Variants in ZNF704 observed in about 807,000 individuals in gnomAD.
ZNF704 encodes the protein zinc finger protein 704.
ZNF704 carries 10 observed loss-of-function variants against 44.7 expected under a neutral mutation model. The observed-to-expected ratio is 0.22, with a 90% CI of 0.14 to 0.38. ZNF704 has a LOEUF of 0.38. ZNF704 is among the 10% of genes least tolerant of loss of function. ZNF704 has a pLI of 1.00. For synonymous variants in ZNF704, 211 were observed against 207.6 expected, an observed-to-expected ratio of 1.02 and a Z score of -0.14; for missense variants, 390 against 545.5, an observed-to-expected ratio of 0.71 and a Z score of 2.84.
intron 1 of ZNF704, among the ~76,000 whole-genome samples, chr8:80,822,391 C>A (rs1808290503): frequency 6.6e-6 from 1 of 151,374 alleles, no homozygotes; most frequent in Non-Finnish European, 1.5e-5. Flanking sequence ...TTTTTTATGG[C>A]TGCATAGTAT....
Position 80,821,647 on chromosome 8 carries a change from C to T in ZNF704, c.-21-32G>A. The T allele has an allele frequency of 1.9e-6, 3 of 1,543,336 alleles. No homozygotes were observed. The South Asian group carries it at 3.4e-5, about 17-fold the overall frequency. On this transcript the variant is annotated intron_variant, in intron 1 of 8. Transcript: ENST00000327835. ...AATGAAACACAGAAATTCTTACTCA[C>T]ATAAAACATCACCTTTGTACGACTA... is the stretch of plus-strand genomic sequence containing the variant.
At chr8:80,697,144 A>G (rs1818739199) in intron 2 of ZNF704, among the ~76,000 whole-genome samples, 1 of 152,188 alleles carries the variant, frequency 6.6e-6, no homozygotes, top group Non-Finnish European at 1.5e-5. Flanking sequence ...GCTTACTGGG[A>G]GACTACTCAA....
At chr8:80,817,201 AG>A (rs1286216079) in intron 2 of ZNF704, among the ~76,000 whole-genome samples, 2 of 152,130 alleles carry the variant, frequency 1.3e-5, no homozygotes, top group Admixed American at 6.5e-5. Context: ...TAATATATAA[AG>A]TACAATATTG....
At chr8:80,786,688 C>A (rs1407504199) in intron 2 of ZNF704, among the ~76,000 whole-genome samples, 1 of 152,126 alleles carries the variant, frequency 6.6e-6, no homozygotes, top group Non-Finnish European at 1.5e-5. Flanking sequence ...GTCATGAACT[C>A]TGTATCATAA....
chr8:80,818,816 T>C (rs1808217702), intron 2 of ZNF704, among the ~76,000 whole-genome samples: 1 of 152,208 alleles, frequency 6.6e-6, no homozygotes. Flanking sequence ...AGGAAAATCC[T>C]ACATCTTCCT....
At chr8:80,653,746 G>A (rs1411933276) in intron 7 of ZNF704, among the ~76,000 whole-genome samples, 1 of 152,128 alleles carries the variant, frequency 6.6e-6, no homozygotes, top group South Asian at 2.1e-4. Context: ...AATCAATATC[G>A]TGAAAATGGC....
intron 2 of ZNF704, among the ~76,000 whole-genome samples, chr8:80,705,383 G>A (rs903116209): frequency 6.6e-6 from 1 of 151,482 alleles, no homozygotes. Flanking sequence ...TTGTGTGTGT[G>A]TGTCTTGGTC....
intron 7 of ZNF704, among the ~76,000 whole-genome samples, chr8:80,651,524 C>G (rs927264992): frequency 1.6e-4 from 24 of 152,148 alleles, no homozygotes; most frequent in Non-Finnish European, 2.4e-4. Flanking sequence ...ACCCTGGTCT[C>G]TGATAAAACA....
At chr8:80,773,352 T>C (rs1442011021) in intron 2 of ZNF704, among the ~76,000 whole-genome samples, 3 of 152,358 alleles carry the variant, frequency 2.0e-5, no homozygotes, top group East Asian at 3.9e-4. Flanking sequence ...CACAGTCTAC[T>C]GGTGTCATCA....
intron 2 of ZNF704, among the ~76,000 whole-genome samples, chr8:80,775,956 A>C (rs759386497): frequency 6.6e-6 from 1 of 152,204 alleles, no homozygotes; most frequent in African/African-American, 2.4e-5. Context: ...GTGGGCTTTA[A>C]AATTTATACC....
intron 8 of ZNF704, 81 bp downstream of exon 8, chr8:80,642,954 T>C (rs919106268): frequency 1.1e-6 from 1 of 923,872 alleles, no homozygotes; most frequent in Non-Finnish European, 1.5e-6. Context: ...AGAAGATCAT[T>C]TCTCAGGGTT....
intron 1 of ZNF704, among the ~76,000 whole-genome samples, chr8:80,869,564 T>C (rs528443406): frequency 6.6e-6 from 1 of 152,344 alleles, no homozygotes; most frequent in East Asian, 1.9e-4. Context: ...GCCCTTTACT[T>C]GGGTTTCAGG....
chr8:80,794,177 C>T (rs756385471), intron 2 of ZNF704, among the ~76,000 whole-genome samples: 19 of 152,026 alleles, frequency 1.2e-4, no homozygotes, highest in Non-Finnish European at 1.9e-4. Context: ...TATATATAAC[C>T]ATAGAGGAAG....
At chr8:80,782,093 G>A (rs1381184510) in intron 2 of ZNF704, among the ~76,000 whole-genome samples, 5 of 152,124 alleles carry the variant, frequency 3.3e-5, no homozygotes, top group African/African-American at 9.7e-5. Context: ...CCCCATCCCC[G>A]AGCAATCATC....
intron 4 of ZNF704, among the ~76,000 whole-genome samples, chr8:80,679,540 C>T (rs1818420147): frequency 6.6e-6 from 1 of 152,236 alleles, no homozygotes; most frequent in African/African-American, 2.4e-5. Context: ...GCAGAGCTAA[C>T]AGATGTTTGC....
At chr8:80,846,566 A>G (rs1451788047) in intron 1 of ZNF704, among the ~76,000 whole-genome samples, 1 of 152,184 alleles carries the variant, frequency 6.6e-6, no homozygotes, top group African/African-American at 2.4e-5. Context: ...CAATCAGTTA[A>G]TTTTAACATT....
At chr8:80,648,794 GAAGTT>G (rs1345140515) in intron 7 of ZNF704, among the ~76,000 whole-genome samples, 1 of 152,188 alleles carries the variant, frequency 6.6e-6, no homozygotes, top group Non-Finnish European at 1.5e-5. Context: ...AGAAAATGGA[GAAGTT>G]AAGTGCACTG....
At chr8:80,735,695 C>T (rs568464356) in intron 2 of ZNF704, among the ~76,000 whole-genome samples, 1 of 152,260 alleles carries the variant, frequency 6.6e-6, no homozygotes, top group Non-Finnish European at 1.5e-5. Flanking sequence ...CTGGCCACAA[C>T]ACATAGATTA....
chr8:80,727,858 G>C, intron 2 of ZNF704, among the ~76,000 whole-genome samples: 1 of 152,212 alleles, frequency 6.6e-6, no homozygotes, highest in East Asian at 1.9e-4. Flanking sequence ...AGGGTGTCGT[G>C]GGAAACATAA....
Sources: gnomAD v4.1 joint callset for allele counts (sites outside exome capture counted in the v4.1 genomes callset) on GRCh38, gnomAD v4.1.1 for gene constraint, MANE v1.5 for transcripts, NCBI Gene and HGNC (gene_info 2026-07-23, HGNC 2026-07-21) for gene names.